Variants in FBXO3 observed in about 807,000 individuals in gnomAD.
FBXO3 encodes F-box protein 3.
A neutral mutation model predicts 64.8 loss-of-function variants in FBXO3; 17 were observed. That is an observed-to-expected ratio of 0.26 (90% CI 0.18 to 0.39). The LOEUF is 0.39. Among genes scored for constraint, FBXO3 ranks in the 10% least tolerant of loss-of-function variants. FBXO3 has a pLI of 1.00. For synonymous variants in FBXO3, 182 were observed against 201.6 expected, an observed-to-expected ratio of 0.90 and a Z score of 0.82; for missense variants, 420 against 589.9, an observed-to-expected ratio of 0.71 and a Z score of 2.98.
intron 4 of FBXO3, 33 bp from the exon 5 acceptor site, chr11:33,756,008 A>G: frequency 6.4e-7 from 1 of 1,560,210 alleles, no homozygotes; most frequent in Non-Finnish European, 8.8e-7. Flanking sequence ...CATGTAATAC[A>G]CGGCAGTGCC....
Position 33,770,806 on chromosome 11 carries a change from A to C in FBXO3, c.129T>G (p.Leu43=), listed in dbSNP as rs1357837470. 1.2e-6 allele frequency: 2 copies of C among 1,609,956 alleles called. No homozygotes were observed. Among genetic ancestry groups the C allele is most frequent in the African/African-American group, 1.3e-5 (1 of 74,910 alleles). ...LINCCYVSRR[L]SQLSSHDPLW... is the part of the protein sequence containing the mutation. Reference sequence around the variant, plus strand: ...GCGGATCATGACTTGATAGCTGGCTAAGTCTTCGACTGACATAACAACAGC... The same window carrying C: ...GCGGATCATGACTTGATAGCTGGCTCAGTCTTCGACTGACATAACAACAGC... Residue 43 remains leucine (L), a synonymous_variant, in exon 2 of 11, where the codon CTT becomes CTG. Coordinates refer to ENST00000265651, the MANE Select transcript of FBXO3 (RefSeq NM_012175.4).
At chr11:33,759,590 T>C (rs559185396) in intron 3 of FBXO3, among the ~76,000 whole-genome samples, 35 of 152,290 alleles carry the variant, frequency 2.3e-4, no homozygotes, top group African/African-American at 7.5e-4. Context: ...GCCCATTGAC[T>C]AGCTGCTAGC....
rs533656847 is a variant in FBXO3, at chr11:33,760,174, A to G, written c.359-1573T>C. Among the ~76,000 whole-genome samples the G allele has an allele frequency of 2.8e-3, 419 of 152,362 alleles. No individual in the cohort carries two copies. In the Middle Eastern group the frequency reaches 0.031, roughly 11 times the overall value. ...TGAAAATGTCAAACGATGATTCAGA[A>G]GCACCATAAACCCTATGGAGAAAAA... is the stretch of plus-strand genomic sequence containing the variant. On this transcript the variant is annotated intron_variant, in intron 3 of 10. Coordinates refer to ENST00000265651, the MANE Select transcript of FBXO3 (RefSeq NM_012175.4).
chr11:33,750,518 G>T, intron 8 of FBXO3, 21 bp downstream of exon 8: 1 of 1,613,020 alleles, frequency 6.2e-7, no homozygotes, highest in Non-Finnish European at 8.5e-7. Flanking sequence ...ACTGAAAGGT[G>T]ACCCCATTTA....
At position 33,774,512 on chromosome 11, in the gene FBXO3, T is replaced by G. The variant is rs768573167; in HGVS notation, c.-15A>C. 2.7e-6 allele frequency: 4 copies of G among 1,504,732 alleles called. No individual in the cohort carries two copies. The highest frequency in any genetic ancestry group is 3.5e-6 in the Non-Finnish European group (4 of 1,127,714). 93.2% of individuals were successfully genotyped at this position (1,504,732 alleles called of 1,614,324 possible). A position where few individuals can be genotyped will look rare whatever the true frequency, so the allele number is the denominator to read the frequency against. The stretch of plus-strand genomic sequence containing the variant: ...ATGGCCGCCATCTTGCCTGGCCCGG[T>G]GCAGGTCTGGCCCCGCCCTGGCCCC... On this transcript the variant is annotated 5_prime_UTR_variant, in exon 1 of 11. Coordinates refer to ENST00000265651, the MANE Select transcript of FBXO3 (RefSeq NM_012175.4).
intron 6 of FBXO3, 33 bp from the exon 7 acceptor site, chr11:33,751,640 GAACA>G: frequency 2.3e-6 from 3 of 1,327,562 alleles, no homozygotes; most frequent in Middle Eastern, 2.0e-4. Context: ...AAAAAGAAAA[GAACA>G]AATAGTTTTG....
intron 2 of FBXO3, 34 bp downstream of exon 2, chr11:33,770,707 A>G (rs1487392297): frequency 1.3e-6 from 2 of 1,540,128 alleles, no homozygotes; most frequent in South Asian, 1.1e-5. Context: ...GCCAAGGGCC[A>G]GTTTTCAGAA....
chr11:33,756,494 T>A (rs2133606114), intron 4 of FBXO3, among the ~76,000 whole-genome samples: 1 of 152,308 alleles, frequency 6.6e-6, no homozygotes, highest in East Asian at 1.9e-4. Flanking sequence ...ATCAAGGTAT[T>A]CCTTGATGAG....
rs75991728 is a variant in FBXO3 at position 33,762,051 on chromosome 11, C to T, written c.359-3450G>A. Among the ~76,000 whole-genome samples, 310 of 152,294 alleles carry T rather than the reference C, an allele frequency of 2.0e-3. 1 individual carries two copies. The highest frequency in any genetic ancestry group is 7.2e-3 in the African/African-American group (300 of 41,560). On this transcript the variant is annotated intron_variant, in intron 3 of 10. Coordinates refer to ENST00000265651, the MANE Select transcript of FBXO3 (RefSeq NM_012175.4). ...CTTAATTACATATGCAAAATCCCTT[C>T]ACCTTTTTCATATAATATGATCTAA...
rs373827310 is a variant in FBXO3 at position 33,750,409 on chromosome 11, AC to A, written c.932+129del. 428 of 1,003,656 alleles carry A rather than the reference AC, an allele frequency of 4.3e-4. 1 individual carries two copies. The African/African-American group carries it at 6.2e-3, about 14-fold the overall frequency. The allele number at this position is 1,003,656 out of a possible 1,614,324, so 62.2% of individuals were successfully genotyped here. A position where few individuals can be genotyped will look rare whatever the true frequency, so the allele number is the denominator to read the frequency against. The stretch of plus-strand genomic sequence containing the variant: ...ACACTATCTTGTAGAAAATGTATCC[AC>A]CTTCCTCCAAACTTCAGCAAGTTCT... On this transcript the variant is annotated intron_variant, in intron 8 of 10. Transcript: ENST00000265651.
At chr11:33,747,101 A>C in intron 10 of FBXO3, 29 bp downstream of exon 10, 5 of 1,607,914 alleles carry the variant, frequency 3.1e-6, no homozygotes, top group Non-Finnish European at 4.2e-6. Flanking sequence ...AAGTCATGTA[A>C]ATCAGCACTA....
intron 2 of FBXO3, among the ~76,000 whole-genome samples, chr11:33,770,231 T>C (rs1453837377): frequency 6.6e-6 from 1 of 152,222 alleles, no homozygotes; most frequent in Admixed American, 6.5e-5. Context: ...TTAAATAATA[T>C]GCTTAAACCT....
intron 4 of FBXO3, 31 bp downstream of exon 4, chr11:33,758,456 T>C: frequency 1.3e-6 from 2 of 1,489,424 alleles, no homozygotes; most frequent in Non-Finnish European, 1.8e-6. Flanking sequence ...ACTTGCATCA[T>C]TAAAAATAAC....
At chr11:33,774,279 A>G in intron 1 of FBXO3, 115 bp downstream of exon 1, 1 of 913,348 alleles carries the variant, frequency 1.1e-6, no homozygotes, top group Non-Finnish European at 1.7e-6. Flanking sequence ...CCCTGGCGTC[A>G]CCTTCTGGTG....
chr11:33,746,117 AATTTT>A, intron 10 of FBXO3: 1 of 152,470 alleles, frequency 6.6e-6, no homozygotes, highest in South Asian at 2.1e-4. Flanking sequence ...CAAATTTCAA[AATTTT>A]CCCACAAACA....
chr11:33,768,837 T>C lies in FBXO3; in HGVS notation c.358+14A>G. ...GTAATGGAAACGGGGAAAGGGACCCTGAATTCCCAGTACCTTTCAGAGATA... is the reference window on the plus strand; with the variant it reads ...GTAATGGAAACGGGGAAAGGGACCCCGAATTCCCAGTACCTTTCAGAGATA... On this transcript the variant is annotated intron_variant, in intron 3 of 10. Coordinates refer to ENST00000265651, the MANE Select transcript of FBXO3 (RefSeq NM_012175.4). 6.2e-7 allele frequency: 1 copy of C among 1,613,826 alleles called. No individual in the cohort carries two copies. The highest frequency in any genetic ancestry group is 8.5e-7 in the Non-Finnish European group (1 of 1,179,788).
At chr11:33,769,674 A>G (rs1372719328) in intron 2 of FBXO3, among the ~76,000 whole-genome samples, 1 of 152,094 alleles carries the variant, frequency 6.6e-6, no homozygotes, top group African/African-American at 2.4e-5. Flanking sequence ...CTTAGTAAGA[A>G]AGGCTTGGTA....
At chr11:33,767,338 C>T (rs1373528521) in intron 3 of FBXO3, among the ~76,000 whole-genome samples, 1 of 151,982 alleles carries the variant, frequency 6.6e-6, no homozygotes, top group Non-Finnish European at 1.5e-5. Context: ...CTTGCTCTGT[C>T]GCCCAGGCTG....
chr11:33,768,006 G>A (rs986835303), intron 3 of FBXO3, among the ~76,000 whole-genome samples: 1 of 152,138 alleles, frequency 6.6e-6, no homozygotes, highest in Non-Finnish European at 1.5e-5. Flanking sequence ...ATATTTGCAT[G>A]GGAAATTAGA....
Sources: gnomAD v4.1 joint callset for allele counts (sites outside exome capture counted in the v4.1 genomes callset) on GRCh38, gnomAD v4.1.1 for gene constraint, MANE v1.5 for transcripts, NCBI Gene and HGNC (gene_info 2026-07-23, HGNC 2026-07-21) for gene names.